Variants in HSDL2 observed in about 807,000 individuals in gnomAD.
The protein encoded by HSDL2 is hydroxysteroid dehydrogenase-like protein 2.
HSDL2 carries 27 observed loss-of-function variants against 46.3 expected under a neutral mutation model. The observed-to-expected ratio is 0.58, with a 90% CI of 0.43 to 0.80. The LOEUF (loss-of-function observed/expected upper bound fraction) is 0.80. Ranked by LOEUF, HSDL2 falls within the 30% of genes least tolerant of loss-of-function variation. The pLI, the probability that HSDL2 is intolerant of heterozygous loss-of-function variation, is 0.00. For synonymous variants in HSDL2, 153 were observed against 163.6 expected (o/e 0.94, Z 0.50); for missense variants, 451 against 502.7 (o/e 0.90, Z 0.98).
chr9:112,416,556 C>A (rs1311668522), intron 4 of HSDL2, among the ~76,000 whole-genome samples: 1 of 150,386 alleles, frequency 6.6e-6, no homozygotes, highest in Non-Finnish European at 1.5e-5. Context: ...GGGTTCAAGA[C>A]CAGCCTGGGC....
At chr9:112,390,560 C>G (rs1831318246) in intron 1 of HSDL2, among the ~76,000 whole-genome samples, 1 of 150,962 alleles carries the variant, frequency 6.6e-6, no homozygotes, top group African/African-American at 2.4e-5. Context: ...CTCAAGCAAT[C>G]CTTCACCTCA....
At chr9:112,429,950 G>T (rs1272019357) in intron 6 of HSDL2, among the ~76,000 whole-genome samples, 3 of 152,098 alleles carry the variant, frequency 2.0e-5, no homozygotes, top group Non-Finnish European at 4.4e-5. Flanking sequence ...GGGTGTGGTG[G>T]TGTGCGCCTG....
At chr9:112,384,816 C>T (rs1046886316) in intron 1 of HSDL2, among the ~76,000 whole-genome samples, 2 of 150,908 alleles carry the variant, frequency 1.3e-5, no homozygotes, top group Non-Finnish European at 2.9e-5. Context: ...TGACAAATCA[C>T]GTAATCCATA....
At chr9:112,420,462 G>A (rs559493795) in intron 6 of HSDL2, among the ~76,000 whole-genome samples, 1 of 151,996 alleles carries the variant, frequency 6.6e-6, no homozygotes, top group Non-Finnish European at 1.5e-5. Context: ...GATTACTTGA[G>A]GCTAGGAGTT....
Position 112,459,356 on chromosome 9 carries a change from G to A in HSDL2, c.1016-93G>A, listed in dbSNP as rs572848371. 4 of 1,394,174 alleles carry A rather than the reference G, an allele frequency of 2.9e-6. No homozygotes were observed. The South Asian group carries it at 5.2e-5, about 18-fold the overall frequency. The allele number at this position is 1,394,174 out of a possible 1,614,324, so 86.4% of individuals were successfully genotyped here. ...TCTGGGGATTTTAACTTGGAAAACA[G>A]CATTTTGTAAGATTATTCTAATTGA... On this transcript the variant is annotated intron_variant, in intron 9 of 10. Coordinates refer to ENST00000398805, the MANE Select transcript of HSDL2 (RefSeq NM_032303.5).
At chr9:112,470,318 G>T in intron 10 of HSDL2, 114 bp from the exon 11 acceptor site, 1 of 538,616 alleles carries the variant, frequency 1.9e-6, no homozygotes. Flanking sequence ...AAATTTCTAT[G>T]CTTCTGAGGT....
chr9:112,444,549 G>A (rs1832706548), intron 8 of HSDL2, among the ~76,000 whole-genome samples: 1 of 151,970 alleles, frequency 6.6e-6, no homozygotes, highest in Non-Finnish European at 1.5e-5. Context: ...ACTAGTCTGG[G>A]CAACATGGCA....
At chr9:112,466,573 A>G (rs1023496039) in intron 10 of HSDL2, among the ~76,000 whole-genome samples, 2 of 150,254 alleles carry the variant, frequency 1.3e-5, no homozygotes, top group African/African-American at 4.9e-5. Flanking sequence ...ATCTTCATAT[A>G]TTTTCAGTTA....
intron 6 of HSDL2, among the ~76,000 whole-genome samples, chr9:112,427,406 A>G (rs1434717541): frequency 2.0e-5 from 3 of 152,240 alleles, no homozygotes; most frequent in Non-Finnish European, 4.4e-5. Flanking sequence ...TTTCATCTGT[A>G]CATACTTCAA....
At chr9:112,415,239 A>G (rs1831965033) in intron 4 of HSDL2, among the ~76,000 whole-genome samples, 1 of 152,236 alleles carries the variant, frequency 6.6e-6, no homozygotes, top group Non-Finnish European at 1.5e-5. Flanking sequence ...AATGAGAGTT[A>G]TATTACTAAA....
intron 1 of HSDL2, among the ~76,000 whole-genome samples, chr9:112,398,466 G>C (rs572205018): frequency 6.6e-6 from 1 of 152,028 alleles, no homozygotes; most frequent in East Asian, 1.9e-4. Context: ...CTCATGAAAA[G>C]AAATAAGATC....
chr9:112,434,352 T>C (rs1424409900), intron 6 of HSDL2, among the ~76,000 whole-genome samples: 5 of 152,306 alleles, frequency 3.3e-5, no homozygotes, highest in South Asian at 2.1e-4. Context: ...ACCTGGACTA[T>C]ATTACAAATA....
chr9:112,429,206 C>T (rs183140057), intron 6 of HSDL2, among the ~76,000 whole-genome samples: 1 of 152,264 alleles, frequency 6.6e-6, no homozygotes, highest in East Asian at 1.9e-4. Flanking sequence ...GCTGACTTCT[C>T]ACTTTACATT....
intron 1 of HSDL2, among the ~76,000 whole-genome samples, chr9:112,402,970 C>T (rs1421833609): frequency 6.6e-6 from 1 of 151,842 alleles, no homozygotes; most frequent in Non-Finnish European, 1.5e-5. Flanking sequence ...CACACACACA[C>T]ACAAAACACA....
intron 9 of HSDL2, among the ~76,000 whole-genome samples, chr9:112,456,631 G>A (rs547990430): frequency 5.9e-5 from 9 of 152,198 alleles, no homozygotes; most frequent in African/African-American, 1.4e-4. Context: ...AACCATTCAC[G>A]CGGCTTCAAT....
chr9:112,420,947 A>ATT (rs11410283), intron 6 of HSDL2, among the ~76,000 whole-genome samples: 11 of 150,508 alleles, frequency 7.3e-5, no homozygotes, highest in Admixed American at 2.0e-4. Context: ...AGCGCTGGTA[A>ATT]TTTTTTTTTT....
chr9:112,458,935 C>T (rs530573782), intron 9 of HSDL2, among the ~76,000 whole-genome samples: 4 of 151,780 alleles, frequency 2.6e-5, no homozygotes, highest in South Asian at 2.1e-4. Context: ...GAGCCGAGAT[C>T]GCGCCACTGC....
At chr9:112,436,343 A>T (rs894732227) in intron 6 of HSDL2, among the ~76,000 whole-genome samples, 1 of 151,976 alleles carries the variant, frequency 6.6e-6, no homozygotes, top group Non-Finnish European at 1.5e-5. Context: ...AAATTCCCTA[A>T]ATTAATTGAA....
At chr9:112,461,548 T>C (rs2132708336) in intron 10 of HSDL2, among the ~76,000 whole-genome samples, 1 of 152,364 alleles carries the variant, frequency 6.6e-6, no homozygotes, top group East Asian at 1.9e-4. Flanking sequence ...AAAATAAAAA[T>C]GTATTGTCAA....
Sources: gnomAD v4.1 joint callset for allele counts (sites outside exome capture counted in the v4.1 genomes callset) on GRCh38, gnomAD v4.1.1 for gene constraint, MANE v1.5 for transcripts, NCBI Gene and HGNC (gene_info 2026-07-23, HGNC 2026-07-21) for gene names.